MORC2: variants seen among roughly 807,000 people sequenced by gnomAD.
The protein encoded by MORC2 is MORC family CW-type zinc finger 2.
Under a neutral mutation model 136.0 loss-of-function variants are expected in MORC2, and 30 were observed. The observed-to-expected ratio is 0.22, with a 90% CI of 0.17 to 0.30. The LOEUF (loss-of-function observed/expected upper bound fraction) is 0.30. Among genes scored for constraint, MORC2 ranks in the 10% least tolerant of loss-of-function variants. The pLI is 1.00. For synonymous variants in MORC2, 439 were observed against 487.0 expected (o/e 0.90, Z 1.30); for missense variants, 922 against 1,333.1 (o/e 0.69, Z 4.80).
intron 20 of MORC2, among the ~76,000 whole-genome samples, chr22:30,933,800 TCTCA>T (rs1240366033): frequency 6.6e-6 from 1 of 152,186 alleles, no homozygotes; most frequent in Admixed American, 6.5e-5. Flanking sequence ...CAGAAGCCAG[TCTCA>T]CTCAAGACCC....
Position 30,934,029 on chromosome 22 carries a change from A to T in MORC2, c.2325+31T>A. On this transcript the variant is annotated intron_variant, in intron 20 of 25. Transcript: ENST00000397641. This position sits in a 1 kb window ranked among gnomAD's most constrained non-coding sequence, Gnocchi z 4.4. Reference sequence around the variant, plus strand: ...TGGGGGCTGCAGGCCCTAGAGAGAGAGGCTTTGAGAACCTCACCTCAACCA... The same window carrying T: ...TGGGGGCTGCAGGCCCTAGAGAGAGTGGCTTTGAGAACCTCACCTCAACCA... 1 of 1,612,866 alleles carries T rather than the reference A, an allele frequency of 6.2e-7. No homozygotes were observed. The highest frequency in any genetic ancestry group is 1.3e-5 in the African/African-American group (1 of 74,944).
chr22:30,933,126 G>A lies in MORC2; in HGVS notation c.2381-96C>T, dbSNP rs1602478776. On this transcript the variant is annotated intron_variant, in intron 21 of 25. Transcript: ENST00000397641. Reference sequence around the variant, plus strand: ...AGAAAGGCAGTCCCCAGGGTTTGGAGGACAGGAACACTTAGGTGCTTGCCC... The same window carrying A: ...AGAAAGGCAGTCCCCAGGGTTTGGAAGACAGGAACACTTAGGTGCTTGCCC... 9.1e-6 allele frequency: 14 copies of A among 1,536,406 alleles called. No homozygotes were observed. In the African/African-American group the frequency reaches 1.1e-4, roughly 12 times the overall value.
rs375217252 is a variant in MORC2 at position 30,932,682 on chromosome 22, C to G, written c.2610G>C (p.Glu870Asp). 3 of 1,614,212 alleles carry G rather than the reference C, an allele frequency of 1.9e-6. No individual in the cohort carries two copies. In the Admixed American group the frequency reaches 5.0e-5, roughly 27 times the overall value. Residue 870 changes from glutamate to aspartate, a missense_variant, in exon 23 of 26, where the codon GAG becomes GAC. Transcript: ENST00000397641. This position sits in a 1 kb window ranked among gnomAD's most constrained non-coding sequence, Gnocchi z 4.4. Reference sequence around the variant, plus strand: ...GCTGGGCCACAGGGCCCACCTCCTCCTCCCCGCCCTCCTGTTGTGTATCAA... The same window carrying G: ...GCTGGGCCACAGGGCCCACCTCCTCGTCCCCGCCCTCCTGTTGTGTATCAA... ...QSLDTQQEGG[E>D]EEVGPVAQQA...
chr22:30,958,852 A>G (rs1372822899), intron 1 of MORC2, 158 bp from the exon 2 acceptor site: 8 of 572,030 alleles, frequency 1.4e-5, no homozygotes, highest in Non-Finnish European at 1.9e-5. Context: ...GAGCTCCCCA[A>G]CTCCCCTCAA....
rs761189043 is a variant in MORC2, at chr22:30,933,482, G to A, written c.2364C>T (p.Leu788=). 7 of 1,613,682 alleles carry A rather than the reference G, an allele frequency of 4.3e-6. No individual in the cohort carries two copies. The highest frequency in any genetic ancestry group is 4.5e-5 in the East Asian group (2 of 44,846). ...CCAGCTCACCTTTCTGAGCTCTCTT[G>A]AGGTCAGCCGAGTCCTCTTCCCCAG... ...DSAGEEDSAD[L]KRAQKDKGLH... is the part of the protein sequence containing the mutation. The change falls in exon 21 of 26, where the codon CTC becomes CTT. Residue 788 remains leucine (L), a synonymous_variant. Transcript: ENST00000397641.
At chr22:30,939,214 A>G (rs1400810862) in intron 12 of MORC2, among the ~76,000 whole-genome samples, 1 of 152,248 alleles carries the variant, frequency 6.6e-6, no homozygotes, top group African/African-American at 2.4e-5. Flanking sequence ...GAAAATGAAT[A>G]TGAAAAAATA....
chr22:30,949,019 C>T lies in MORC2; in HGVS notation c.317+733G>A, dbSNP rs542565927. ...CACCACCCTCCCTCAAACAAAACAA[C>T]ACATTTCCACGACAAGACTGGAAAC... On this transcript the variant is annotated intron_variant, in intron 5 of 25. Coordinates refer to ENST00000397641, the MANE Select transcript of MORC2 (RefSeq NM_001303256.3). Among the ~76,000 whole-genome samples, 4 of 152,334 alleles carry T rather than the reference C, an allele frequency of 2.6e-5. No homozygotes were observed. In the South Asian group the frequency reaches 8.3e-4, roughly 32 times the overall value.
Position 30,942,237 on chromosome 22 carries a change from G to A in MORC2, c.461C>T (p.Thr154Ile), listed in dbSNP as rs1290294192. The A allele has an allele frequency of 1.2e-6, 2 of 1,613,274 alleles. No homozygotes were observed. The highest frequency in any genetic ancestry group is 1.3e-5 in the African/African-American group (1 of 74,920). Residue 154 changes from threonine (T) to isoleucine (I), a missense_variant, in exon 7 of 26, where the codon ACC becomes ATC. Transcript: ENST00000397641. The part of the protein sequence containing the change: ...IVPLPTWNAR[T>I]REPVTDNVEK... ...TACATTGTCTGTGACAGGTTCCCGG[G>A]TCCGAGCATTCCAGGTGGGCAGTGG...
At position 30,933,450 on chromosome 22, in the gene MORC2, C is replaced by A. The variant is rs568871593; in HGVS notation, c.2380+16G>T. 1.9e-6 allele frequency: 3 copies of A among 1,613,436 alleles called. No individual in the cohort carries two copies. Among genetic ancestry groups the A allele is most frequent in the Non-Finnish European group, 2.5e-6 (3 of 1,179,642 alleles). ...CCACCCCCGCCACAGGCTGCCAAGT[C>A]ACTCCCCCAGCTCACCTTTCTGAGC... is the stretch of plus-strand genomic sequence containing the variant. On this transcript the variant is annotated intron_variant, in intron 21 of 25. Coordinates refer to ENST00000397641, the MANE Select transcript of MORC2 (RefSeq NM_001303256.3).
intron 24 of MORC2, 82 bp from the exon 25 acceptor site, chr22:30,928,289 AGCCCGCTTTACCCAAGGAT>A: frequency 7.2e-7 from 1 of 1,394,510 alleles, no homozygotes; most frequent in South Asian, 1.2e-5. Context: ...GGGTGTCTCC[AGCCCGCTTTACCCAAGGAT>A]GCCTGGTCTG....
intron 1 of MORC2, among the ~76,000 whole-genome samples, chr22:30,964,802 A>G (rs2041101169): frequency 6.6e-6 from 1 of 152,226 alleles, no homozygotes; most frequent in South Asian, 2.1e-4. Context: ...ACAGATGTTC[A>G]CTGTCTCCAA....
In MORC2 at chr22:30,937,528, A is replaced by G; in HGVS notation, c.1498+55T>C. The G allele has an allele frequency of 6.3e-7, 1 of 1,589,322 alleles. No homozygotes were observed. Among genetic ancestry groups the G allele is most frequent in the Non-Finnish European group, 8.6e-7 (1 of 1,169,120 alleles). On this transcript the variant is annotated intron_variant, in intron 15 of 25. Coordinates refer to ENST00000397641, the MANE Select transcript of MORC2 (RefSeq NM_001303256.3). This position sits in a 1 kb window ranked among gnomAD's most constrained non-coding sequence, Gnocchi z 4.7. ...AGGAGGCTGGCAGGAAGATAGAGAA[A>G]AGAGGCTTGTGGGCTGATGGAAATG...
At chr22:30,965,471 G>T (rs1332534708) in intron 1 of MORC2, among the ~76,000 whole-genome samples, 1 of 152,146 alleles carries the variant, frequency 6.6e-6, no homozygotes, top group Non-Finnish European at 1.5e-5. Flanking sequence ...TCTGAAATTA[G>T]AAATAAAAAA....
chr22:30,928,222 G>A lies in MORC2; in HGVS notation c.2842-15C>T. ...AAGTACTCCTTCTGTTGGGAGCAGA[G>A]CAAGAGGGAGAGTGTGTAAGTTCAC... On this transcript the variant is annotated splice_polypyrimidine_tract_variant and intron_variant, in intron 24 of 25. Coordinates refer to ENST00000397641, the MANE Select transcript of MORC2 (RefSeq NM_001303256.3). 1 of 1,613,964 alleles carries A rather than the reference G, an allele frequency of 6.2e-7. No homozygotes were observed. The highest frequency in any genetic ancestry group is 8.5e-7 in the Non-Finnish European group (1 of 1,179,908).
chr22:30,936,862 A>C, intron 16 of MORC2, 70 bp downstream of exon 16: 1 of 1,444,796 alleles, frequency 6.9e-7, no homozygotes. Context: ...ATGTGCACTG[A>C]CCTCAAGAAA....
In MORC2 at chr22:30,941,835, T is replaced by C; in HGVS notation, c.698+56A>G. The C allele has an allele frequency of 7.0e-7, 1 of 1,436,538 alleles. No individual in the cohort carries two copies. The allele number at this position is 1,436,538 out of a possible 1,614,324, so 89.0% of individuals were successfully genotyped here. A position where few individuals can be genotyped will look rare whatever the true frequency, so the allele number is the denominator to read the frequency against. ...TCTCCCCTCTTTCCCTGAAGCCATC[T>C]CCTGAGAGCACAAACGCCAGTTCCA... On this transcript the variant is annotated intron_variant, in intron 8 of 25. Coordinates refer to ENST00000397641, the MANE Select transcript of MORC2 (RefSeq NM_001303256.3). The surrounding 1 kb of genome is among the most constrained non-coding windows in gnomAD (Gnocchi z 4.6).
Position 30,932,526 on chromosome 22 carries a change from A to T in MORC2, c.2747+19T>A. 6.2e-7 allele frequency: 1 copy of T among 1,613,706 alleles called. No homozygotes were observed. Among genetic ancestry groups the T allele is most frequent in the Non-Finnish European group, 8.5e-7 (1 of 1,179,678 alleles). ...AGCTGCTGCTGGCCCTGGGGTGGGA[A>T]GACAAAAGACACATGTACCGGAGGA... On this transcript the variant is annotated intron_variant, in intron 23 of 25. Coordinates refer to ENST00000397641, the MANE Select transcript of MORC2 (RefSeq NM_001303256.3). The surrounding 1 kb of genome is among the most constrained non-coding windows in gnomAD (Gnocchi z 4.4).
rs2040627524 is a variant in MORC2 at position 30,934,802 on chromosome 22, C to T, written c.2172G>A (p.Glu724=). The T allele has an allele frequency of 1.2e-6, 2 of 1,614,136 alleles. No individual in the cohort carries two copies. Among genetic ancestry groups the T allele is most frequent in the African/African-American group, 2.7e-5 (2 of 75,020 alleles). ...VIKTPVVKKT[E]SPIKLSPATP... ...TCACCGGGGAGAGTTTGATGGGTGA[C>T]TCTGTCTTCTTCACCACTGGAGTCT... Residue 724 remains glutamate, a synonymous_variant, in exon 19 of 26, where the codon GAG becomes GAA. Transcript: ENST00000397641. This position sits in a 1 kb window ranked among gnomAD's most constrained non-coding sequence, Gnocchi z 4.4.
At chr22:30,953,424 G>A (rs5994357) in intron 3 of MORC2, among the ~76,000 whole-genome samples, 1 of 152,180 alleles carries the variant, frequency 6.6e-6, no homozygotes, top group Non-Finnish European at 1.5e-5. Flanking sequence ...TCTGGCTTCT[G>A]CAAGCCAGAC....
Sources: allele counts gnomAD v4.1 joint callset (sites outside exome capture counted in the v4.1 genomes callset), GRCh38; gene constraint gnomAD v4.1.1; non-coding constraint Gnocchi (gnomAD v3.1); transcripts MANE v1.5; gene names NCBI Gene and HGNC (gene_info 2026-07-23, HGNC 2026-07-21).